KIRREL2: variants seen among roughly 807,000 people sequenced by gnomAD.
The protein encoded by KIRREL2 is kin of IRRE-like protein 2.
A neutral mutation model predicts 73.4 loss-of-function variants in KIRREL2; 56 were observed. That is an observed-to-expected ratio of 0.76 (90% CI 0.62 to 0.95). The LOEUF is 0.95. Among genes scored for constraint, KIRREL2 ranks in the 40% least tolerant of loss-of-function variants. KIRREL2 has a pLI of 0.00. For synonymous variants in KIRREL2, 407 were observed against 404.0 expected (o/e 1.01, Z -0.09); for missense variants, 896 against 935.0 (o/e 0.96, Z 0.54).
chr19:35,853,295 G>A (rs1232494413), upstream of KIRREL2, among the ~76,000 whole-genome samples: 1 of 152,188 alleles, frequency 6.6e-6, no homozygotes, highest in African/African-American at 2.4e-5. Context: ...GTGTGACAGT[G>A]TCTTACGTGG....
intron 13 of KIRREL2, 84 bp from the exon 14 acceptor site, chr19:35,864,564 C>G: frequency 8.9e-7 from 1 of 1,127,658 alleles, no homozygotes; most frequent in Admixed American, 1.7e-5. Flanking sequence ...CTGGCCTCCA[C>G]TGGCTGGCTG....
intron 4 of KIRREL2, 91 bp from the exon 5 acceptor site, chr19:35,859,390 A>T: frequency 8.4e-7 from 1 of 1,184,950 alleles, no homozygotes; most frequent in Non-Finnish European, 1.2e-6. Context: ...GTGGCCTAAG[A>T]CAATTCTTCT....
At chr19:35,851,655 T>C, upstream of KIRREL2, 1 of 1,613,296 alleles carries the variant, frequency 6.2e-7, no homozygotes, top group Non-Finnish European at 8.5e-7. Context: ...GAGGCAGGAA[T>C]CGCCAACTGC....
At chr19:35,853,227 T>A (rs1317821941), upstream of KIRREL2, among the ~76,000 whole-genome samples, 2 of 152,008 alleles carry the variant, frequency 1.3e-5, no homozygotes, top group Non-Finnish European at 2.9e-5. Flanking sequence ...TACGTGGGTG[T>A]GAGAGTGGGG....
chr19:35,862,895 A>G (rs1330377448), intron 12 of KIRREL2, 32 bp from the exon 13 acceptor site: 2 of 1,342,930 alleles, frequency 1.5e-6, no homozygotes, highest in South Asian at 1.3e-5. Context: ...GACCCCGCCC[A>G]TCGCTTAACT....
upstream of KIRREL2, among the ~76,000 whole-genome samples, chr19:35,854,661 T>C (rs1489143857): frequency 6.6e-6 from 1 of 152,304 alleles, no homozygotes; most frequent in African/African-American, 2.4e-5. Context: ...TTTGAGACTC[T>C]CTCGCTCTCT....
In KIRREL2 at chr19:35,859,521, C is replaced by T. The variant is rs1003586620; in HGVS notation, c.563C>T (p.Thr188Ile). 1.2e-6 allele frequency: 2 copies of T among 1,614,176 alleles called. No homozygotes were observed. The highest frequency in any genetic ancestry group is 1.7e-5 in the Admixed American group (1 of 60,028). ...GGGACCCCTGGGTCAGTGGAGAGCA[C>T]CTTAACCCTGACCCCTTTCAGCCAT... ...KEGTPGSVES[T>I]LTLTPFSHDD... The change falls in exon 5 of 15, where the codon ACC (threonine) becomes ATC (isoleucine). Residue 188 changes from threonine (T) to isoleucine (I), a missense_variant. Physicochemically the swap from Thr to Ile is moderately conservative, Grantham distance 89 (BLOSUM62 -1). Transcript: ENST00000360202.
Position 35,861,270 on chromosome 19 carries a change from T to C in KIRREL2, c.1189+16T>C. The C allele has an allele frequency of 2.0e-6, 3 of 1,521,134 alleles. No homozygotes were observed. Among genetic ancestry groups the C allele is most frequent in the Non-Finnish European group, 2.6e-6 (3 of 1,145,758 alleles). The allele number at this position is 1,521,134 out of a possible 1,614,324, so 94.2% of individuals were successfully genotyped here. ...ACTGTGAACGGTGAGAAGGCGGGGC[T>C]TCCTAGGGGACCTGGCCCGTCCTGG... On this transcript the variant is annotated intron_variant, in intron 9 of 14. Transcript: ENST00000360202.
upstream of KIRREL2, among the ~76,000 whole-genome samples, chr19:35,852,246 T>C (rs1158191647): frequency 6.6e-6 from 1 of 151,784 alleles, no homozygotes; most frequent in Non-Finnish European, 1.5e-5. Context: ...CTTTCCATCT[T>C]TCTCTCCTTG....
chr19:35,860,766 G>A (rs905548368), intron 7 of KIRREL2, 99 bp downstream of exon 7: 5 of 1,582,246 alleles, frequency 3.2e-6, no homozygotes, highest in East Asian at 2.2e-5. Flanking sequence ...GAGAGCGAGC[G>A]TGGGGTATTA....
At chr19:35,864,832 T>A in intron 14 of KIRREL2, 119 bp downstream of exon 14, 1 of 768,030 alleles carries the variant, frequency 1.3e-6, no homozygotes, top group Non-Finnish European at 2.1e-6. Context: ...GTCCTCAGAG[T>A]TGGGACTCAG....
At position 35,860,576 on chromosome 19, in the gene KIRREL2, G is replaced by A. The variant is rs1177281940; in HGVS notation, c.837G>A (p.Val279=). The change falls in exon 7 of 15, where the codon GTG becomes GTA. Residue 279 remains valine (V), a synonymous_variant. Transcript: ENST00000360202. The part of the protein sequence containing the change: ...LGARGPRLEV[V]ADASFLTEPV... ...CCCGCGGGCCAAGGTTAGAGGTCGTGGCAGACGCCTCGTTCCTGACTGAGC... is the reference window on the plus strand; with the variant it reads ...CCCGCGGGCCAAGGTTAGAGGTCGTAGCAGACGCCTCGTTCCTGACTGAGC... The A allele has an allele frequency of 6.2e-7, 1 of 1,603,500 alleles. No individual in the cohort carries two copies. Among genetic ancestry groups the A allele is most frequent in the Non-Finnish European group, 8.5e-7 (1 of 1,179,980 alleles).
At position 35,866,744 on chromosome 19, in the gene KIRREL2, T is replaced by C. The variant is rs1973989006; in HGVS notation, c.*252T>C. ...TGTAAAAGAGATTCAAGATGGCAGG[T>C]AGGCCCTTTGAGGAGAGATGGGGAC... On this transcript the variant is annotated 3_prime_UTR_variant, in exon 15 of 15. Coordinates refer to ENST00000360202, the MANE Select transcript of KIRREL2 (RefSeq NM_199180.4). 5.1e-6 allele frequency: 3 copies of C among 583,168 alleles called. No homozygotes were observed. Among genetic ancestry groups the C allele is most frequent in the African/African-American group, 3.8e-5 (2 of 53,034 alleles). 36.1% of individuals were successfully genotyped at this position (583,168 alleles called of 1,614,324 possible). A position where few individuals can be genotyped will look rare whatever the true frequency, so the allele number is the denominator to read the frequency against.
rs768561547 is a variant in KIRREL2, at chr19:35,866,330, C to T, written c.1965C>T (p.Tyr655=). The change falls in exon 15 of 15, where the codon TAC becomes TAT. Residue 655 remains tyrosine (Y), a synonymous_variant. Transcript: ENST00000360202. ...HLGMVPPCRL[Y]RARAGYLTTP... ...GCATGGTCCCCCCCTGCAGACTTTA[C>T]AGAGCCAGGGCAGGCTATCTCACCA... 4 of 1,611,566 alleles carry T rather than the reference C, an allele frequency of 2.5e-6. No individual in the cohort carries two copies. The Admixed American group carries it at 6.7e-5, about 27-fold the overall frequency.
chr19:35,857,554 C>T, intron 2 of KIRREL2, 60 bp downstream of exon 2: 3 of 1,451,536 alleles, frequency 2.1e-6, no homozygotes, highest in Non-Finnish European at 2.8e-6. Context: ...CTGGGCTCGG[C>T]TGTACCTGCA....
chr19:35,864,304 C>T (rs1022925606), intron 13 of KIRREL2, among the ~76,000 whole-genome samples: 10 of 152,108 alleles, frequency 6.6e-5, no homozygotes, highest in Non-Finnish European at 4.4e-5. Flanking sequence ...ATTCTCGTTC[C>T]TTAGCCTCCT....
At chr19:35,853,252 C>T (rs1973323696), upstream of KIRREL2, among the ~76,000 whole-genome samples, 1 of 152,142 alleles carries the variant, frequency 6.6e-6, no homozygotes, top group Admixed American at 6.6e-5. Context: ...TTAGAGTGAA[C>T]TGCGATCTGT....
At chr19:35,864,408 T>C (rs2146881357) in intron 13 of KIRREL2, among the ~76,000 whole-genome samples, 1 of 152,018 alleles carries the variant, frequency 6.6e-6, no homozygotes, top group Non-Finnish European at 1.5e-5. Context: ...CAGGCTGGTC[T>C]CAAACTTCTG....
intron 14 of KIRREL2, 130 bp from the exon 15 acceptor site, chr19:35,866,027 G>T: frequency 1.2e-6 from 1 of 825,764 alleles, no homozygotes; most frequent in Admixed American, 2.5e-5. Flanking sequence ...GTGTGTCTCT[G>T]TGTCTCTGCC....
Sources: allele counts gnomAD v4.1 joint callset (sites outside exome capture counted in the v4.1 genomes callset), GRCh38; gene constraint gnomAD v4.1.1; transcripts MANE v1.5; gene names NCBI Gene and HGNC (gene_info 2026-07-23, HGNC 2026-07-21).